EEFSEC: variants seen among roughly 807,000 people sequenced by gnomAD.
EEFSEC encodes eukaryotic elongation factor, selenocysteine-tRNA specific.
Under a neutral mutation model 42.1 loss-of-function variants are expected in EEFSEC, and 43 were observed. That is an observed-to-expected ratio of 1.02 (90% CI 0.80 to 1.32). The LOEUF (loss-of-function observed/expected upper bound fraction) is 1.32, where lower values mean the gene tolerates loss of function less well. EEFSEC is among the 40% of genes most tolerant of loss of function. The pLI is 0.00. For synonymous variants in EEFSEC, 354 were observed against 339.1 expected (o/e 1.04, Z -0.48); for missense variants, 745 against 803.6 (o/e 0.93, Z 0.88).
chr3:128,284,012 C>G (rs2066557075), intron 4 of EEFSEC, among the ~76,000 whole-genome samples: 1 of 152,206 alleles, frequency 6.6e-6, no homozygotes. Flanking sequence ...ACGGGTGCTG[C>G]CATGTATCAG....
At chr3:128,218,029 C>T (rs1171436360) in intron 1 of EEFSEC, among the ~76,000 whole-genome samples, 1 of 152,092 alleles carries the variant, frequency 6.6e-6, no homozygotes, top group Non-Finnish European at 1.5e-5. Flanking sequence ...TGTTGGAATC[C>T]AAGTAAATGG....
chr3:128,217,533 C>T (rs2065822139), intron 1 of EEFSEC, among the ~76,000 whole-genome samples: 2 of 152,200 alleles, frequency 1.3e-5, no homozygotes, highest in South Asian at 2.1e-4. Flanking sequence ...AATGTGTTCA[C>T]GTGCACCTTG....
chr3:128,354,753 A>C (rs2067431633), intron 5 of EEFSEC, among the ~76,000 whole-genome samples: 1 of 152,218 alleles, frequency 6.6e-6, no homozygotes, highest in South Asian at 2.1e-4. Context: ...TTTTAAAGTT[A>C]ATATTTTATA....
At chr3:128,154,689 C>T (rs1165723382) in intron 1 of EEFSEC, among the ~76,000 whole-genome samples, 1 of 152,122 alleles carries the variant, frequency 6.6e-6, no homozygotes, top group Non-Finnish European at 1.5e-5. Context: ...GACTTCATGA[C>T]CCGCCCGCCC....
At chr3:128,396,406 CAAT>C (rs1402430388) in intron 6 of EEFSEC, among the ~76,000 whole-genome samples, 2 of 152,122 alleles carry the variant, frequency 1.3e-5, no homozygotes, top group Admixed American at 6.5e-5. Flanking sequence ...TTCTACCTCT[CAAT>C]GATGGAGTGG....
chr3:128,313,977 G>C (rs1171796185), intron 4 of EEFSEC, among the ~76,000 whole-genome samples: 1 of 152,148 alleles, frequency 6.6e-6, no homozygotes, highest in Non-Finnish European at 1.5e-5. Context: ...CTTACACCAG[G>C]CCCTACCCAG....
At chr3:128,224,798 G>A (rs993205010) in intron 1 of EEFSEC, among the ~76,000 whole-genome samples, 2 of 152,020 alleles carry the variant, frequency 1.3e-5, no homozygotes, top group Non-Finnish European at 2.9e-5. Flanking sequence ...GAATTTTCTT[G>A]AAAAATGTTC....
At chr3:128,307,982 C>T (rs2066849729) in intron 4 of EEFSEC, among the ~76,000 whole-genome samples, 1 of 152,222 alleles carries the variant, frequency 6.6e-6, no homozygotes, top group Non-Finnish European at 1.5e-5. Flanking sequence ...GTGCCTGGTT[C>T]CCTGGGGTCA....
chr3:128,296,592 A>T (rs1251727561), intron 4 of EEFSEC, among the ~76,000 whole-genome samples: 1 of 152,112 alleles, frequency 6.6e-6, no homozygotes, highest in Non-Finnish European at 1.5e-5. Context: ...CGTCATCCGC[A>T]CAGGGGTATA....
At chr3:128,369,742 T>G (rs1358237834) in intron 6 of EEFSEC, among the ~76,000 whole-genome samples, 1 of 152,190 alleles carries the variant, frequency 6.6e-6, no homozygotes, top group African/African-American at 2.4e-5. Flanking sequence ...TTTAAATAAT[T>G]TCAAACATAC....
chr3:128,324,097 C>T (rs1253380463), intron 4 of EEFSEC, among the ~76,000 whole-genome samples: 1 of 152,196 alleles, frequency 6.6e-6, no homozygotes, highest in African/African-American at 2.4e-5. Context: ...CCTCACCTTG[C>T]ATACTCTTTG....
At chr3:128,377,460 T>C (rs2107610833) in intron 6 of EEFSEC, among the ~76,000 whole-genome samples, 1 of 152,310 alleles carries the variant, frequency 6.6e-6, no homozygotes, top group South Asian at 2.1e-4. Context: ...GAATGTGCCC[T>C]AGGTGGAGAT....
the EEFSEC span, among the ~76,000 whole-genome samples, chr3:128,423,605 C>G: frequency 6.6e-6 from 1 of 152,172 alleles, no homozygotes; most frequent in African/African-American, 2.4e-5. Context: ...TGTGTGATTC[C>G]ATTTATGTGA....
chr3:128,189,302 A>G (rs1361341160), intron 1 of EEFSEC, among the ~76,000 whole-genome samples: 1 of 152,202 alleles, frequency 6.6e-6, no homozygotes, highest in African/African-American at 2.4e-5. Context: ...GATGGAAGGT[A>G]TATATGATGG....
At chr3:128,239,403 C>G (rs1314871991) in intron 1 of EEFSEC, among the ~76,000 whole-genome samples, 2 of 152,174 alleles carry the variant, frequency 1.3e-5, no homozygotes, top group Non-Finnish European at 2.9e-5. Flanking sequence ...GTGAGGTGCC[C>G]TCCTCCAACT....
chr3:128,380,529 CAT>C (rs1158305403), intron 6 of EEFSEC, among the ~76,000 whole-genome samples: 3 of 152,202 alleles, frequency 2.0e-5, no homozygotes, highest in Non-Finnish European at 4.4e-5. Context: ...GCCTCACACA[CAT>C]GTGCAGCTTT....
chr3:128,228,620 C>G (rs543082487), intron 1 of EEFSEC, among the ~76,000 whole-genome samples: 1 of 151,978 alleles, frequency 6.6e-6, no homozygotes, highest in African/African-American at 2.4e-5. Context: ...GACCCTCACT[C>G]TCTTCTCCAC....
chr3:128,203,735 A>G (rs1036108572), intron 1 of EEFSEC, among the ~76,000 whole-genome samples: 2 of 152,234 alleles, frequency 1.3e-5, no homozygotes, highest in African/African-American at 4.8e-5. Context: ...AGCTTTGAGG[A>G]TAAAGTTGTA....
At chr3:128,377,184 C>T (rs1047533931) in intron 6 of EEFSEC, among the ~76,000 whole-genome samples, 5 of 152,234 alleles carry the variant, frequency 3.3e-5, no homozygotes, top group African/African-American at 9.6e-5. Context: ...GCAAAGCCTT[C>T]TTTTTATGTA....
Sources: gnomAD v4.1 joint callset for allele counts (sites outside exome capture counted in the v4.1 genomes callset) on GRCh38, gnomAD v4.1.1 for gene constraint, MANE v1.5 for transcripts, NCBI Gene and HGNC (gene_info 2026-07-23, HGNC 2026-07-21) for gene names.